SLC10A7: variants seen among roughly 807,000 people sequenced by gnomAD.
SLC10A7 encodes solute carrier family 10 member 7.
SLC10A7 carries 29 observed loss-of-function variants against 43.2 expected under a neutral mutation model. The ratio of observed to expected loss-of-function variants is 0.67; its 90% CI spans 0.50 to 0.92. The LOEUF is 0.92. SLC10A7 is among the 40% of genes least tolerant of loss of function. The pLI, the probability that SLC10A7 is intolerant of heterozygous loss-of-function variation, is 0.00. For synonymous variants in SLC10A7, 152 were observed against 144.8 expected (o/e 1.05, Z -0.35); for missense variants, 295 against 403.2 (o/e 0.73, Z 2.30).
At chr4:146,492,031 C>T (rs890942031) in intron 4 of SLC10A7, among the ~76,000 whole-genome samples, 7 of 152,078 alleles carry the variant, frequency 4.6e-5, no homozygotes, top group African/African-American at 1.7e-4. Flanking sequence ...TCCTGGCTAA[C>T]ATGGTGAAAC....
intron 4 of SLC10A7, among the ~76,000 whole-genome samples, chr4:146,462,860 TA>T (rs199991779): frequency 2.0e-5 from 3 of 151,482 alleles, no homozygotes; most frequent in East Asian, 1.9e-4. Flanking sequence ...CGACTTTCTC[TA>T]AAAAAAAATC....
intron 4 of SLC10A7, among the ~76,000 whole-genome samples, chr4:146,472,539 G>A (rs1006055485): frequency 6.6e-6 from 1 of 150,976 alleles, no homozygotes; most frequent in Non-Finnish European, 1.5e-5. Context: ...AGGGAACCCA[G>A]CTGGGATAGG....
chr4:146,433,108 A>G (rs1301405056), intron 5 of SLC10A7, among the ~76,000 whole-genome samples: 1 of 151,670 alleles, frequency 6.6e-6, no homozygotes, highest in Admixed American at 6.6e-5. Context: ...CAAAAATTAG[A>G]AGGCTAAAGA....
At chr4:146,505,593 A>G (rs1736826217) in intron 3 of SLC10A7, among the ~76,000 whole-genome samples, 1 of 152,214 alleles carries the variant, frequency 6.6e-6, no homozygotes, top group Non-Finnish European at 1.5e-5. Flanking sequence ...CAATGGATTC[A>G]ACATTAGCTC....
At chr4:146,302,082 A>C (rs2111234902) in intron 7 of SLC10A7, among the ~76,000 whole-genome samples, 1 of 152,352 alleles carries the variant, frequency 6.6e-6, no homozygotes, top group African/African-American at 2.4e-5. Flanking sequence ...TAAGTAAGCT[A>C]CATGCAGATT....
At position 146,496,916 on chromosome 4, in the gene SLC10A7, G is replaced by C. The variant is rs55686111; in HGVS notation, c.396+6933C>G. On this transcript the variant is annotated intron_variant, in intron 4 of 11. Transcript: ENST00000335472. The stretch of plus-strand genomic sequence containing the variant: ...TTATTATTCTCTATGGTAGAAAACA[G>C]TATCTTAAAGTTGATGCTTAACAAT... Among the ~76,000 whole-genome samples the C allele has an allele frequency of 2.5e-3, 377 of 152,286 alleles. 1 individual carries two copies. The highest frequency in any genetic ancestry group is 8.6e-3 in the African/African-American group (358 of 41,558).
intron 7 of SLC10A7, among the ~76,000 whole-genome samples, chr4:146,305,611 C>T (rs78142020): frequency 0.063 from 9,589 of 151,134 alleles, 393 homozygotes; most frequent in South Asian, 0.17. Flanking sequence ...AAAAGACTTG[C>T]TAGATGTTTT....
At chr4:146,447,005 A>G (rs939038069) in intron 4 of SLC10A7, among the ~76,000 whole-genome samples, 1 of 152,144 alleles carries the variant, frequency 6.6e-6, no homozygotes, top group African/African-American at 2.4e-5. Context: ...GACATCTGGT[A>G]CCATAACCAA....
chr4:146,301,317 C>T (rs1731147095), intron 7 of SLC10A7, among the ~76,000 whole-genome samples: 2 of 151,988 alleles, frequency 1.3e-5, no homozygotes, highest in Admixed American at 1.3e-4. Flanking sequence ...CAGTGAAGGG[C>T]CATGGTCAGG....
chr4:146,438,860 A>G (rs968055761), intron 5 of SLC10A7, among the ~76,000 whole-genome samples: 3 of 152,044 alleles, frequency 2.0e-5, no homozygotes, highest in African/African-American at 7.2e-5. Context: ...GTCAGTATCT[A>G]TTTTTTAAAA....
chr4:146,495,921 G>T (rs961630107), intron 4 of SLC10A7, among the ~76,000 whole-genome samples: 1 of 152,050 alleles, frequency 6.6e-6, no homozygotes, highest in Non-Finnish European at 1.5e-5. Flanking sequence ...CCTTCAACCT[G>T]CTAAGTAAAA....
intron 5 of SLC10A7, among the ~76,000 whole-genome samples, chr4:146,341,813 C>T (rs997052402): frequency 6.6e-6 from 1 of 151,728 alleles, no homozygotes; most frequent in Non-Finnish European, 1.5e-5. Flanking sequence ...AAAAATTTGG[C>T]TTTGTTTTTA....
In SLC10A7 at chr4:146,519,610, A is replaced by C. The variant is rs375441744; in HGVS notation, c.100+2008T>G. On this transcript the variant is annotated intron_variant, in intron 1 of 11. Coordinates refer to ENST00000335472, the MANE Select transcript of SLC10A7 (RefSeq NM_001029998.6). ...TATTTGTTAGTGAATCTGTCTCAGC[A>C]GCTCACACAGGTAATATTTCTTCAG... 1.7e-3 allele frequency among the ~76,000 whole-genome samples: 261 copies of C among 152,262 alleles called. 11 individuals carry two copies. The South Asian group carries it at 0.052, about 30-fold the overall frequency.
chr4:146,445,945 CCT>C (rs1164265047), intron 4 of SLC10A7, among the ~76,000 whole-genome samples: 1 of 151,690 alleles, frequency 6.6e-6, no homozygotes, highest in African/African-American at 2.4e-5. Context: ...ACGGGAGTCC[CCT>C]GAGTCTGGGG....
intron 5 of SLC10A7, among the ~76,000 whole-genome samples, chr4:146,403,716 T>C (rs1739378204): frequency 6.6e-6 from 1 of 152,126 alleles, no homozygotes; most frequent in African/African-American, 2.4e-5. Flanking sequence ...CATTGTGAAA[T>C]CTGGAGTTAT....
At position 146,324,818 on chromosome 4, in the gene SLC10A7, G is replaced by A. The variant is rs527417320; in HGVS notation, c.471+1143C>T. Among the ~76,000 whole-genome samples the A allele has an allele frequency of 1.7e-3, 257 of 152,230 alleles. 4 individuals carry two copies. The highest frequency in any genetic ancestry group is 2.1e-3 in the Non-Finnish European group (140 of 68,024). On this transcript the variant is annotated intron_variant, in intron 6 of 11. Coordinates refer to ENST00000335472, the MANE Select transcript of SLC10A7 (RefSeq NM_001029998.6). ...CAATTTAACTAACTGAAAATTCTGC[G>A]TTGGTGAAGTCCATGTCAATGAAGT...
intron 5 of SLC10A7, among the ~76,000 whole-genome samples, chr4:146,368,111 G>T (rs538973047): frequency 6.6e-6 from 1 of 152,232 alleles, no homozygotes; most frequent in African/African-American, 2.4e-5. Flanking sequence ...AATCAATTAT[G>T]CATTCAGATG....
At chr4:146,266,747 G>A (rs1728582249) in intron 10 of SLC10A7, among the ~76,000 whole-genome samples, 1 of 152,134 alleles carries the variant, frequency 6.6e-6, no homozygotes, top group South Asian at 2.1e-4. Context: ...TAGCAGTTAA[G>A]AAGCTTGGCG....
intron 3 of SLC10A7, among the ~76,000 whole-genome samples, chr4:146,509,125 T>C (rs6829209): frequency 0.79 from 119,482 of 152,126 alleles, 47,284 homozygotes; most frequent in East Asian, 0.95. Flanking sequence ...TATCTCACTG[T>C]TTTGTTCTTT....
Sources: gnomAD v4.1 joint callset for allele counts (sites outside exome capture counted in the v4.1 genomes callset) on GRCh38, gnomAD v4.1.1 for gene constraint, MANE v1.5 for transcripts, NCBI Gene and HGNC (gene_info 2026-07-23, HGNC 2026-07-21) for gene names.